AADAT: variants seen among roughly 807,000 people sequenced by gnomAD.
AADAT encodes the protein aminoadipate aminotransferase.
In AADAT, 25 loss-of-function variants were observed where a neutral mutation model predicts 56.2. That is an observed-to-expected ratio of 0.44 (90% CI 0.32 to 0.62). The LOEUF (loss-of-function observed/expected upper bound fraction) is 0.62, where lower values mean the gene tolerates loss of function less well. Among genes scored for constraint, AADAT ranks in the 20% least tolerant of loss-of-function variants. The pLI, the probability that AADAT is intolerant of heterozygous loss-of-function variation, is 0.04. For synonymous variants in AADAT, 173 were observed against 164.7 expected (o/e 1.05, Z -0.39); for missense variants, 387 against 510.5 (o/e 0.76, Z 2.33).
Position 170,063,315 on chromosome 4 carries a change from T to C in AADAT, c.1135-1322A>G, listed in dbSNP as rs1731286610. The stretch of plus-strand genomic sequence containing the variant: ...AAAGCTGGAGATTATTTAGAAAAGG[T>C]AAAAAAAGAACATGTAGCAGGATAT... On this transcript the variant is annotated intron_variant, in intron 11 of 12. Coordinates refer to ENST00000337664, the MANE Select transcript of AADAT (RefSeq NM_016228.4). 2.6e-5 allele frequency among the ~76,000 whole-genome samples: 4 copies of C among 151,750 alleles called. No individual in the cohort carries two copies. In the South Asian group the frequency reaches 8.3e-4, roughly 32 times the overall value.
At chr4:170,093,303 G>A (rs961912434), upstream of AADAT, among the ~76,000 whole-genome samples, 1 of 152,090 alleles carries the variant, frequency 6.6e-6, no homozygotes, top group Non-Finnish European at 1.5e-5. Flanking sequence ...GGTGGCAGAT[G>A]CCTGTAATCT....
intron 3 of AADAT, among the ~76,000 whole-genome samples, chr4:170,084,725 C>T (rs1005382088): frequency 6.6e-6 from 1 of 152,150 alleles, no homozygotes; most frequent in Non-Finnish European, 1.5e-5. Context: ...TTGAATTTAC[C>T]TTTTCCTTAT....
At chr4:170,093,075 G>C (rs1226569321), upstream of AADAT, among the ~76,000 whole-genome samples, 1 of 152,008 alleles carries the variant, frequency 6.6e-6, no homozygotes, top group Non-Finnish European at 1.5e-5. Context: ...GGGACTTAAG[G>C]CTTTTTTTTG....
rs1166266072 is a variant in AADAT at position 170,069,002 on chromosome 4, T to C, written c.803+146A>G. On this transcript the variant is annotated intron_variant, in intron 7 of 12. Transcript: ENST00000337664. ...GTGAATAAAGGGAAAAAAAGGCCTG[T>C]GTTAATATTAATCATGAAACTGGTA... The C allele has an allele frequency of 7.5e-6, 5 of 670,396 alleles. No individual in the cohort carries two copies. In the East Asian group the frequency reaches 1.4e-4, roughly 19 times the overall value. The allele number at this position is 670,396 out of a possible 1,614,324, so 41.5% of individuals were successfully genotyped here.
At chr4:170,061,199 G>A (rs1001871628) in intron 12 of AADAT, among the ~76,000 whole-genome samples, 1 of 152,090 alleles carries the variant, frequency 6.6e-6, no homozygotes. Flanking sequence ...TGTTGTTCTC[G>A]TGGCCTTCAA....
chr4:170,084,430 T>A (rs1056755057), intron 3 of AADAT, among the ~76,000 whole-genome samples: 2 of 152,174 alleles, frequency 1.3e-5, no homozygotes, highest in Non-Finnish European at 2.9e-5. Flanking sequence ...CTAGGTCAAG[T>A]AATAAAAGGT....
rs76700286 is a variant in AADAT, at chr4:170,066,980, C to T, written c.962+347G>A. On this transcript the variant is annotated intron_variant, in intron 9 of 12. Coordinates refer to ENST00000337664, the MANE Select transcript of AADAT (RefSeq NM_016228.4). ...CTTCATCTTTACTTGAGCCAAATCC[C>T]GTGTCATGTATCCTTCACAATTAAT... Among the ~76,000 whole-genome samples, 728 of 152,174 alleles carry T rather than the reference C, an allele frequency of 4.8e-3. 10 individuals carry two copies. The highest frequency in any genetic ancestry group is 0.016 in the African/African-American group (683 of 41,526).
chr4:170,083,120 GCAGAACAGAC>G, intron 3 of AADAT, among the ~76,000 whole-genome samples: 1 of 151,202 alleles, frequency 6.6e-6, no homozygotes, highest in East Asian at 1.9e-4. Context: ...TGAAGAGTCT[GCAGAACAGAC>G]CATACCTTAG....
chr4:170,089,996 G>A (rs950840460), upstream of AADAT: 3 of 175,708 alleles, frequency 1.7e-5, no homozygotes, highest in African/African-American at 4.8e-5. Flanking sequence ...CCCGCCGCGG[G>A]CCTCGCCGCG....
intron 11 of AADAT, among the ~76,000 whole-genome samples, chr4:170,062,246 C>T (rs970563925): frequency 2.6e-5 from 4 of 152,060 alleles, no homozygotes; most frequent in East Asian, 3.9e-4. Flanking sequence ...CAGGAATACA[C>T]GAAAACTGAG....
chr4:170,083,653 A>G (rs939438713), intron 3 of AADAT, among the ~76,000 whole-genome samples: 3 of 152,166 alleles, frequency 2.0e-5, no homozygotes, highest in Non-Finnish European at 4.4e-5. Context: ...CAATATTACC[A>G]ATGCAATCAG....
chr4:170,086,725 T>C (rs1732581386), intron 3 of AADAT, among the ~76,000 whole-genome samples: 1 of 152,220 alleles, frequency 6.6e-6, no homozygotes. Context: ...TAATGGTTAA[T>C]AGGTCTGGGT....
At chr4:170,078,480 A>T (rs755457591) in intron 4 of AADAT, 29 bp downstream of exon 4, 1 of 1,381,256 alleles carries the variant, frequency 7.2e-7, no homozygotes, top group South Asian at 1.2e-5. Context: ...ACTACAAGAG[A>T]GTTGCCTTTA....
At chr4:170,071,625 CT>C in intron 5 of AADAT, among the ~76,000 whole-genome samples, 1 of 152,294 alleles carries the variant, frequency 6.6e-6, no homozygotes, top group African/African-American at 2.4e-5. Flanking sequence ...GGGCTTTATA[CT>C]GACATTTCTG....
chr4:170,076,114 T>C (rs879565372), intron 4 of AADAT, among the ~76,000 whole-genome samples: 1 of 152,156 alleles, frequency 6.6e-6, no homozygotes, highest in Non-Finnish European at 1.5e-5. Flanking sequence ...TAGCCATGAG[T>C]GGAATTGTGG....
intron 4 of AADAT, 33 bp downstream of exon 4, chr4:170,078,476 A>C: frequency 5.2e-6 from 7 of 1,347,952 alleles, no homozygotes; most frequent in Non-Finnish European, 6.3e-6. Context: ...ATTTACTACA[A>C]GAGAGTTGCC....
intron 3 of AADAT, among the ~76,000 whole-genome samples, chr4:170,079,055 T>A (rs1732171627): frequency 6.6e-6 from 1 of 152,160 alleles, no homozygotes; most frequent in Admixed American, 6.5e-5. Flanking sequence ...CTTACTCTCA[T>A]GGAGCTACTG....
chr4:170,084,571 G>C (rs1173230885), intron 3 of AADAT, among the ~76,000 whole-genome samples: 1 of 152,072 alleles, frequency 6.6e-6, no homozygotes, highest in Non-Finnish European at 1.5e-5. Flanking sequence ...CAGAATAATT[G>C]CTTCTTAACT....
chr4:170,076,752 C>T (rs190069212), intron 4 of AADAT, among the ~76,000 whole-genome samples: 6 of 152,180 alleles, frequency 3.9e-5, no homozygotes, highest in Non-Finnish European at 7.4e-5. Context: ...TTGTGGTTGT[C>T]GTTGCTCATA....
Sources: allele counts gnomAD v4.1 joint callset (sites outside exome capture counted in the v4.1 genomes callset), GRCh38; gene constraint gnomAD v4.1.1; transcripts MANE v1.5; gene names NCBI Gene and HGNC (gene_info 2026-07-23, HGNC 2026-07-21).